STS: variants seen among roughly 807,000 people sequenced by gnomAD.
STS encodes the protein steroid sulfatase, also known as steryl-sulfatase.
Under a neutral mutation model 26.8 loss-of-function variants are expected in STS, and 7 were observed. That is an observed-to-expected ratio of 0.26 (90% CI 0.15 to 0.49). The LOEUF (loss-of-function observed/expected upper bound fraction) is 0.49. Ranked by LOEUF, STS falls within the 20% of genes least tolerant of loss-of-function variation. The pLI, the probability that STS is intolerant of heterozygous loss-of-function variation, is 0.98. For synonymous variants in STS, 199 were observed against 189.4 expected, an observed-to-expected ratio of 1.05 and a Z score of -0.42; for missense variants, 434 against 465.6, an observed-to-expected ratio of 0.93 and a Z score of 0.63.
At chrX:7,152,769 G>A (rs1012980867) in intron 1 of STS, among the ~76,000 whole-genome samples, 5 of 112,668 alleles carry the variant, frequency 4.4e-5, no homozygotes, top group Middle Eastern at 4.6e-3. Flanking sequence ...AAGGTAAAGT[G>A]TATTTATGGC....
rs1270904280 is a variant in STS, at chrX:7,203,763, C to T, written c.-5+12755C>T. On this transcript the variant is annotated intron_variant, in intron 2 of 10. Transcript: ENST00000674429. ...TACAAACATATGCATATGAAACATA[C>T]ATATCCATATGCAAATATATATATA... 2.7e-5 allele frequency among the ~76,000 whole-genome samples: 3 copies of T among 110,052 alleles called. No individual in the cohort carries two copies. In the Admixed American group the frequency reaches 2.9e-4, roughly 11 times the overall value.
At chrX:7,227,448 G>GTTT (rs34307828) in intron 2 of STS, among the ~76,000 whole-genome samples, 2 of 91,965 alleles carry the variant, frequency 2.2e-5, no homozygotes, top group Non-Finnish European at 4.4e-5. Flanking sequence ...TCAAATCGTT[G>GTTT]TTTTTTTTTT....
At chrX:7,316,224 G>A (rs778008160) in intron 8 of STS, among the ~76,000 whole-genome samples, 8 of 111,912 alleles carry the variant, frequency 7.1e-5, no homozygotes, top group Non-Finnish European at 1.5e-4. Context: ...GTTAGTAGAA[G>A]TTGCTGTGAC....
intron 2 of STS, among the ~76,000 whole-genome samples, chrX:7,204,607 C>T (rs886177517): frequency 1.8e-4 from 18 of 97,633 alleles, no homozygotes; most frequent in Non-Finnish European, 2.4e-4. Flanking sequence ...CATCTTCTTT[C>T]TTCCTTCCCT....
chrX:7,281,355 C>A (rs1433180558), intron 7 of STS, among the ~76,000 whole-genome samples: 1 of 111,793 alleles, frequency 8.9e-6, no homozygotes, highest in Non-Finnish European at 1.9e-5. Context: ...TTGGCATCCC[C>A]TGTTGGCTGA....
At chrX:7,326,245 G>C (rs1927465422) in intron 9 of STS, among the ~76,000 whole-genome samples, 1 of 111,340 alleles carries the variant, frequency 9.0e-6, no homozygotes, top group Admixed American at 9.6e-5. Context: ...CCTTACTGGT[G>C]GGTTTGCCAA....
chrX:7,190,608 T>G (rs1188659491), intron 1 of STS, among the ~76,000 whole-genome samples: 9 of 110,002 alleles, frequency 8.2e-5, no homozygotes, highest in Non-Finnish European at 1.3e-4. Flanking sequence ...TGGGAACCTG[T>G]CTCTACCAAA....
intron 2 of STS, among the ~76,000 whole-genome samples, chrX:7,237,216 A>G (rs1433594422): frequency 9.1e-6 from 1 of 109,557 alleles, no homozygotes; most frequent in Non-Finnish European, 1.9e-5. Flanking sequence ...ATTTGCTCAA[A>G]AAAAAAAAAA....
intron 2 of STS, among the ~76,000 whole-genome samples, chrX:7,193,222 T>C (rs750856884): frequency 8.9e-6 from 1 of 112,518 alleles, no homozygotes; most frequent in African/African-American, 3.2e-5. Context: ...AATTTGTTCT[T>C]TAAAAGGATT....
At chrX:7,289,765 C>T (rs1925319993) in intron 7 of STS, among the ~76,000 whole-genome samples, 1 of 111,455 alleles carries the variant, frequency 9.0e-6, no homozygotes, top group Non-Finnish European at 1.9e-5. Context: ...CTGCCTCAGC[C>T]CCCCAAGTAG....
chrX:7,189,558 C>A (rs1933835524), intron 1 of STS, among the ~76,000 whole-genome samples: 2 of 111,688 alleles, frequency 1.8e-5, no homozygotes. Flanking sequence ...TTCACATATC[C>A]CAAAATAATA....
Position 7,325,506 on chromosome X carries a change from G to A in STS, c.1241+8G>A, listed in dbSNP as rs779332256. 1.8e-5 allele frequency: 22 copies of A among 1,208,785 alleles called. No individual in the cohort carries two copies. Among genetic ancestry groups the A allele is most frequent in the Admixed American group, 2.2e-5 (1 of 45,721 alleles). On this transcript the variant is annotated splice_region_variant and intron_variant, in intron 9 of 10. Coordinates refer to ENST00000674429, the MANE Select transcript of STS (RefSeq NM_001320752.2). The stretch of plus-strand genomic sequence containing the variant: ...TCCCTTGCCTGAGGACAGGTACTCT[G>A]ATGCCAGGGTGGTTGGTATTGTTGA...
chrX:7,268,643 A>G (rs1360063059), intron 6 of STS, among the ~76,000 whole-genome samples: 7 of 112,245 alleles, frequency 6.2e-5, no homozygotes, highest in Non-Finnish European at 5.6e-5. Flanking sequence ...GAATTATCAA[A>G]GAGTCACATT....
chrX:7,261,528 T>A (rs752580471), intron 6 of STS, among the ~76,000 whole-genome samples: 11 of 111,598 alleles, frequency 9.9e-5, no homozygotes, highest in Non-Finnish European at 2.1e-4. Flanking sequence ...CTATGAAAAT[T>A]ATGTTGTCAT....
chrX:7,242,495 G>T (rs1260058285), intron 2 of STS, among the ~76,000 whole-genome samples: 2 of 108,960 alleles, frequency 1.8e-5, no homozygotes, highest in African/African-American at 3.3e-5. Context: ...GGCTACTTGG[G>T]AGGCTGAGGT....
intron 2 of STS, among the ~76,000 whole-genome samples, chrX:7,235,905 A>G (rs1290034553): frequency 4.5e-5 from 5 of 112,340 alleles, no homozygotes; most frequent in Non-Finnish European, 9.4e-5. Flanking sequence ...ACCTTGTTTT[A>G]TACATAACCT....
intron 7 of STS, among the ~76,000 whole-genome samples, chrX:7,302,308 G>A (rs145012990): frequency 2.3e-4 from 26 of 111,231 alleles, no homozygotes; most frequent in Admixed American, 8.6e-4. Flanking sequence ...GGGTTATAGC[G>A]CCTTATTGTT....
rs1217310549 is a variant in STS at position 7,152,636 on chromosome X, T to C, written c.-134+4553T>C. Among the ~76,000 whole-genome samples the C allele has an allele frequency of 3.5e-5, 4 of 113,103 alleles. No homozygotes were observed. In the Admixed American group the frequency reaches 3.7e-4, roughly 10 times the overall value. ...ACCCAGCCCTAACATTTAATATTTG[T>C]GTGAACACTGGCGAATGTTCTTGTG... On this transcript the variant is annotated intron_variant, in intron 1 of 10. Transcript: ENST00000674429.
In STS at chrX:7,259,394, G is replaced by C. The variant is rs1923607107; in HGVS notation, c.428G>C (p.Cys143Ser). Reference protein sequence around the residue: ...GMSCHSKTDFCHHPLHHGFNY... With the variant: ...GMSCHSKTDFSHHPLHHGFNY... ...AGCTGTCACAGCAAGACTGACTTCT[G>C]TCACCACCCTTTACATCACGGCTTC... The change falls in exon 6 of 11, where the codon TGT becomes TCT. Residue 143 changes from cysteine to serine, a missense_variant. This residue lies in a region of STS where 229 missense variants were observed against 288.3 expected (regional missense o/e 0.79). Coordinates refer to ENST00000674429, the MANE Select transcript of STS (RefSeq NM_001320752.2). 3.3e-6 allele frequency: 4 copies of C among 1,209,506 alleles called. No individual in the cohort carries two copies. The highest frequency in any genetic ancestry group is 4.5e-6 in the Non-Finnish European group (4 of 895,066).
Sources: gnomAD v4.1 joint callset for allele counts (sites outside exome capture counted in the v4.1 genomes callset) on GRCh38, gnomAD v4.1.1 for gene constraint, gnomAD v4.1.1 regional missense constraint, MANE v1.5 for transcripts, NCBI Gene and HGNC (gene_info 2026-07-23, HGNC 2026-07-21) for gene names.